Variants in PPP1R7 observed in about 807,000 individuals in gnomAD.
PPP1R7 encodes the protein protein phosphatase 1 regulatory subunit 7, also known as protein phosphatase 1 regulatory subunit 22.
A neutral mutation model predicts 45.2 loss-of-function variants in PPP1R7; 18 were observed. That is an observed-to-expected ratio of 0.40 (90% CI 0.28 to 0.59). The LOEUF (loss-of-function observed/expected upper bound fraction) is 0.59, where lower values mean the gene tolerates loss of function less well. PPP1R7 is among the 20% of genes least tolerant of loss of function. The pLI, the probability that PPP1R7 is intolerant of heterozygous loss-of-function variation, is 0.46. For synonymous variants in PPP1R7, 181 were observed against 183.4 expected, an observed-to-expected ratio of 0.99 and a Z score of 0.11; for missense variants, 314 against 455.8, an observed-to-expected ratio of 0.69 and a Z score of 2.83.
intron 9 of PPP1R7, among the ~76,000 whole-genome samples, chr2:241,172,774 T>G (rs1575403875): frequency 6.6e-6 from 1 of 152,226 alleles, no homozygotes; most frequent in East Asian, 1.9e-4. Context: ...TTCTATTGTT[T>G]TGTCGTGCAT....
intron 2 of PPP1R7, chr2:241,155,171 G>A (rs1272823798): frequency 6.6e-6 from 1 of 152,218 alleles, no homozygotes; most frequent in African/African-American, 2.4e-5. Context: ...GACATTGGGT[G>A]TTTATGGAGG....
chr2:241,156,911 TTGTGCATGCGTGTGTCTGTGTAG>T (rs1407546692), intron 2 of PPP1R7, among the ~76,000 whole-genome samples: 3 of 152,144 alleles, frequency 2.0e-5, no homozygotes, highest in Non-Finnish European at 4.4e-5. Context: ...TATACCACTG[TTGTGCATGCGTGTGTCTGTGTAG>T]TGTGCATACG....
In PPP1R7 at chr2:241,153,486, G is replaced by A. The variant is rs761288299; in HGVS notation, c.63G>A (p.Arg21=). The change falls in exon 2 of 10, where the codon CGG becomes CGA. Residue 21 remains arginine (R), a synonymous_variant. Transcript: ENST00000234038. ...CATGTGTGGGTTCAGTTGACAGGCGGGTCGAGTCTGAAGAATCCGGCGATG... is the reference window on the plus strand; with the variant it reads ...CATGTGTGGGTTCAGTTGACAGGCGAGTCGAGTCTGAAGAATCCGGCGATG... The part of the protein sequence containing the change: ...QSQEMMEVDR[R]VESEESGDEE... 3 of 1,614,174 alleles carry A rather than the reference G, an allele frequency of 1.9e-6. No homozygotes were observed. Among genetic ancestry groups the A allele is most frequent in the Admixed American group, 3.3e-5 (2 of 60,024 alleles).
chr2:241,149,581 C>T (rs561544382), upstream of PPP1R7: 287 of 1,442,112 alleles, frequency 2.0e-4, no homozygotes, highest in Middle Eastern at 1.3e-3. Context: ...GTCTAGAAGC[C>T]CGCGCTAAGG....
intron 2 of PPP1R7, among the ~76,000 whole-genome samples, chr2:241,155,846 T>G (rs1277835651): frequency 6.6e-6 from 1 of 152,276 alleles, no homozygotes; most frequent in Non-Finnish European, 1.5e-5. Context: ...CCTGAGTTTA[T>G]GAACGGTGAC....
At chr2:241,152,849 T>A (rs2067355689) in intron 1 of PPP1R7, among the ~76,000 whole-genome samples, 1 of 152,250 alleles carries the variant, frequency 6.6e-6, no homozygotes, top group Non-Finnish European at 1.5e-5. Context: ...AAAATATTTA[T>A]GAACCTTTAA....
chr2:241,166,983 CT>C (rs916880234), intron 8 of PPP1R7: 2 of 1,477,566 alleles, frequency 1.4e-6, no homozygotes, highest in African/African-American at 2.8e-5. Context: ...TCCCTGCCTG[CT>C]TTCCACACCT....
At chr2:241,155,652 G>C (rs1349099329) in intron 2 of PPP1R7, among the ~76,000 whole-genome samples, 2 of 152,200 alleles carry the variant, frequency 1.3e-5, no homozygotes, top group African/African-American at 4.8e-5. Context: ...GGCCAGCCCT[G>C]CTGGCTGTAT....
At chr2:241,172,942 T>C (rs1395375614) in intron 9 of PPP1R7, among the ~76,000 whole-genome samples, 1 of 151,844 alleles carries the variant, frequency 6.6e-6, no homozygotes, top group Non-Finnish European at 1.5e-5. Flanking sequence ...ATCCTCTGGT[T>C]TGCATTATTT....
At chr2:241,166,294 C>T in intron 7 of PPP1R7, 43 bp from the exon 8 acceptor site, 1 of 1,497,882 alleles carries the variant, frequency 6.7e-7, no homozygotes, top group Non-Finnish European at 9.2e-7. Context: ...TCATTTCATA[C>T]CTTCTGTACT....
intron 5 of PPP1R7, among the ~76,000 whole-genome samples, chr2:241,159,931 C>T (rs1415723440): frequency 6.6e-6 from 1 of 152,172 alleles, no homozygotes; most frequent in East Asian, 1.9e-4. Context: ...TGGATTTCTG[C>T]CCTTTGTCGC....
At chr2:241,169,682 C>A in intron 8 of PPP1R7, 99 bp from the exon 9 acceptor site, 1 of 970,406 alleles carries the variant, frequency 1.0e-6, no homozygotes, top group Non-Finnish European at 1.6e-6. Context: ...GGGCAGTGCA[C>A]CTGCAGCCCT....
chr2:241,182,246 G>C (rs932622079), intron 9 of PPP1R7, among the ~76,000 whole-genome samples: 7 of 152,368 alleles, frequency 4.6e-5, no homozygotes, highest in African/African-American at 1.7e-4. Flanking sequence ...TCTGTCTGCT[G>C]TGTCACAGTG....
intron 2 of PPP1R7, among the ~76,000 whole-genome samples, chr2:241,154,040 C>T (rs1490587067): frequency 6.6e-6 from 1 of 151,036 alleles, no homozygotes; most frequent in East Asian, 2.0e-4. Flanking sequence ...ATTAGCTGGG[C>T]GTGGCAGCGT....
At position 241,166,415 on chromosome 2, in the gene PPP1R7, G is replaced by C; in HGVS notation, c.793G>C (p.Glu265Gln). 6.2e-7 allele frequency: 1 copy of C among 1,613,822 alleles called. No individual in the cohort carries two copies. The highest frequency in any genetic ancestry group is 2.2e-5 in the East Asian group (1 of 44,874). Residue 265 changes from glutamate to glutamine, a missense_variant, in exon 8 of 10, where the codon GAG becomes CAG. Physicochemically the swap from Glu to Gln is conservative, Grantham distance 29 (BLOSUM62 2). Transcript: ENST00000234038. ...RELYLSHNGI[E>Q]VIEGLENNNK... ...GCTGTACCTTAGCCACAATGGCATCGAGGTCATCGAGGGCCTGGAGAACAA... is the reference window on the plus strand; with the variant it reads ...GCTGTACCTTAGCCACAATGGCATCCAGGTCATCGAGGGCCTGGAGAACAA...
chr2:241,158,424 G>A (rs1342997980), intron 3 of PPP1R7, 60 bp from the exon 4 acceptor site: 1 of 1,562,294 alleles, frequency 6.4e-7, no homozygotes, highest in Non-Finnish European at 8.8e-7. Flanking sequence ...CCTCTTCTAG[G>A]ACGACACAGG....
chr2:241,149,714 T>G (rs1205024618), upstream of PPP1R7: 3 of 1,550,368 alleles, frequency 1.9e-6, no homozygotes. Context: ...AATGGGTGAG[T>G]AGCGCAGAGC....
rs764353794 is a variant in PPP1R7, at chr2:241,153,518, G to A, written c.95G>A (p.Gly32Glu). 6.2e-7 allele frequency: 1 copy of A among 1,614,238 alleles called. No individual in the cohort carries two copies. The highest frequency in any genetic ancestry group is 1.1e-5 in the South Asian group (1 of 91,084). The change falls in exon 2 of 10, where the codon GGG becomes GAG. Residue 32 changes from glycine to glutamate, a missense_variant. Physicochemically the swap from Gly to Glu is moderately conservative, Grantham distance 98. Transcript: ENST00000234038. The part of the protein sequence containing the change: ...VESEESGDEE[G>E]KKHSSGIVAD... ...TCTGAAGAATCCGGCGATGAAGAAG[G>A]GAAGAAACACAGCAGTGGCATCGTG...
chr2:241,170,631 G>A lies in PPP1R7; in HGVS notation c.906+764G>A, dbSNP rs568785752. ...TTCAGTCTAATCCAGGATTCATGCT[G>A]AGTGTAAGGCATCATTCTTCCTTGT... On this transcript the variant is annotated intron_variant, in intron 9 of 9. Transcript: ENST00000234038. Among the ~76,000 whole-genome samples the A allele has an allele frequency of 2.0e-5, 3 of 152,352 alleles. No homozygotes were observed. In the East Asian group the frequency reaches 5.8e-4, roughly 29 times the overall value.
Sources: allele counts gnomAD v4.1 joint callset (sites outside exome capture counted in the v4.1 genomes callset), GRCh38; gene constraint gnomAD v4.1.1; transcripts MANE v1.5; gene names NCBI Gene and HGNC (gene_info 2026-07-23, HGNC 2026-07-21).